Variants in CORIN observed in about 807,000 individuals in gnomAD.
CORIN encodes the protein corin, serine peptidase, also known as atrial natriuretic peptide-converting enzyme.
CORIN carries 117 observed loss-of-function variants against 125.3 expected under a neutral mutation model. The observed-to-expected ratio is 0.93, with a 90% CI of 0.80 to 1.09. The LOEUF is 1.09. CORIN is among the 50% of genes least tolerant of loss of function. The pLI is 0.00. For missense variants in CORIN, 1,253 were observed against 1,306.7 expected, an observed-to-expected ratio of 0.96 and a Z score of 0.63; for synonymous variants, 450 against 466.4, an observed-to-expected ratio of 0.96 and a Z score of 0.45.
intron 4 of CORIN, among the ~76,000 whole-genome samples, chr4:47,761,040 G>C (rs1729424125): frequency 6.6e-6 from 1 of 152,194 alleles, no homozygotes. Flanking sequence ...TTAAGAGAAT[G>C]TTGTGGCTGT....
intron 16 of CORIN, among the ~76,000 whole-genome samples, chr4:47,638,324 G>A (rs1723107474): frequency 6.6e-6 from 1 of 152,170 alleles, no homozygotes; most frequent in African/African-American, 2.4e-5. Flanking sequence ...AAGACTTTGG[G>A]GGACTACTGG....
At chr4:47,805,583 C>T (rs1041223163) in intron 2 of CORIN, among the ~76,000 whole-genome samples, 7 of 152,146 alleles carry the variant, frequency 4.6e-5, no homozygotes, top group South Asian at 2.1e-4. Context: ...CCAGTTCTAC[C>T]GCCTTTTGCA....
intron 4 of CORIN, among the ~76,000 whole-genome samples, chr4:47,746,678 G>T (rs1728680654): frequency 6.6e-6 from 1 of 152,072 alleles, no homozygotes; most frequent in African/African-American, 2.4e-5. Context: ...GGGATTACAG[G>T]CATGCGCCAC....
intron 4 of CORIN, among the ~76,000 whole-genome samples, chr4:47,744,819 T>C (rs1459336176): frequency 2.0e-5 from 3 of 152,196 alleles, no homozygotes; most frequent in Non-Finnish European, 4.4e-5. Context: ...TGTAGGAACA[T>C]TTATCAATAA....
chr4:47,796,441 G>A (rs942542960), intron 2 of CORIN, among the ~76,000 whole-genome samples: 4 of 152,046 alleles, frequency 2.6e-5, no homozygotes, highest in Non-Finnish European at 5.9e-5. Context: ...GAAATAAGGC[G>A]ATATCCAAGG....
At chr4:47,702,870 A>G (rs986417014) in intron 5 of CORIN, among the ~76,000 whole-genome samples, 6 of 152,170 alleles carry the variant, frequency 3.9e-5, no homozygotes, top group Non-Finnish European at 8.8e-5. Flanking sequence ...CCTACTCTCT[A>G]TTGTTGATTA....
chr4:47,776,296 G>GT (rs1235910475), intron 3 of CORIN, among the ~76,000 whole-genome samples: 2 of 151,058 alleles, frequency 1.3e-5, no homozygotes, highest in South Asian at 2.1e-4. Context: ...ATTTTGGGGG[G>GT]TTTTTTTGAG....
intron 13 of CORIN, among the ~76,000 whole-genome samples, chr4:47,650,316 T>C (rs1723682968): frequency 1.3e-5 from 2 of 152,356 alleles, no homozygotes; most frequent in African/African-American, 4.8e-5. Context: ...AGAATAGTGA[T>C]CAATTAGTAA....
At chr4:47,632,323 C>T (rs1722837374) in intron 16 of CORIN, 1 of 152,144 alleles carries the variant, frequency 6.6e-6, no homozygotes, top group East Asian at 1.9e-4. Context: ...CATATAAATG[C>T]CTTTCACAGT....
Position 47,600,227 on chromosome 4 carries a change from A to G in CORIN, c.2933T>C (p.Val978Ala). 6.2e-7 allele frequency: 1 copy of G among 1,609,470 alleles called. No homozygotes were observed. Among genetic ancestry groups the G allele is most frequent in the East Asian group, 2.2e-5 (1 of 44,796 alleles). ...AAAGCAACTTACCATGCATGAATCAACTGTGCCAGACTCATAGCCAGCACA... is the reference window on the plus strand; with the variant it reads ...AAAGCAACTTACCATGCATGAATCAGCTGTGCCAGACTCATAGCCAGCACA... ...MICAGYESGT[V>A]DSCMGDSGGP... is the part of the protein sequence containing the mutation. Residue 978 changes from valine to alanine, a missense_variant, in exon 21 of 22, where the codon GTT becomes GCT. Coordinates refer to ENST00000273857, the MANE Select transcript of CORIN (RefSeq NM_006587.4).
chr4:47,772,166 G>T (rs547551973), intron 3 of CORIN, among the ~76,000 whole-genome samples: 1 of 152,066 alleles, frequency 6.6e-6, no homozygotes, highest in East Asian at 1.9e-4. Flanking sequence ...CTTCATACTT[G>T]GTTTTAAGAT....
chr4:47,673,251 C>G (rs946190716), intron 10 of CORIN, among the ~76,000 whole-genome samples: 1 of 151,432 alleles, frequency 6.6e-6, no homozygotes, highest in Non-Finnish European at 1.5e-5. Context: ...TGGTGTGTGC[C>G]TATAATCCCA....
chr4:47,837,162 T>G (rs181632423), intron 1 of CORIN, among the ~76,000 whole-genome samples: 1,814 of 152,272 alleles, frequency 0.012, 34 homozygotes, highest in African/African-American at 0.04. Flanking sequence ...CGGCCAGCCC[T>G]CCTGTGCCTA....
intron 4 of CORIN, among the ~76,000 whole-genome samples, chr4:47,755,950 T>G (rs1729119961): frequency 6.6e-6 from 1 of 152,176 alleles, no homozygotes; most frequent in Non-Finnish European, 1.5e-5. Context: ...ACTCAGCTAT[T>G]TAATGAGCAC....
intron 9 of CORIN, 27 bp from the exon 10 acceptor site, chr4:47,674,527 G>C: frequency 7.3e-7 from 1 of 1,376,848 alleles, no homozygotes; most frequent in South Asian, 1.2e-5. Flanking sequence ...AGGCACATTG[G>C]CTTTCATCAT....
chr4:47,829,922 G>T (rs952834168), intron 1 of CORIN, among the ~76,000 whole-genome samples: 1 of 152,170 alleles, frequency 6.6e-6, no homozygotes, highest in Non-Finnish European at 1.5e-5. Context: ...GATCTAAAAG[G>T]TTAACTGACT....
chr4:47,785,215 T>A (rs61764286), intron 3 of CORIN, among the ~76,000 whole-genome samples: 6 of 152,184 alleles, frequency 3.9e-5, no homozygotes, highest in Non-Finnish European at 8.8e-5. Flanking sequence ...ATTCTGGCAG[T>A]GGCTGTACTG....
intron 16 of CORIN, among the ~76,000 whole-genome samples, chr4:47,639,743 C>T (rs1237226753): frequency 6.6e-6 from 1 of 152,144 alleles, no homozygotes; most frequent in Non-Finnish European, 1.5e-5. Context: ...GCATCGGTGG[C>T]AGAATCATGA....
intron 2 of CORIN, among the ~76,000 whole-genome samples, chr4:47,792,607 G>A (rs879592739): frequency 5.9e-5 from 9 of 152,186 alleles, no homozygotes; most frequent in Non-Finnish European, 1.2e-4. Flanking sequence ...GTGTCATATC[G>A]TTAGTGTTGT....
Sources: gnomAD v4.1 joint callset for allele counts (sites outside exome capture counted in the v4.1 genomes callset) on GRCh38, gnomAD v4.1.1 for gene constraint, MANE v1.5 for transcripts, NCBI Gene and HGNC (gene_info 2026-07-23, HGNC 2026-07-21) for gene names.